FRY: variants seen among roughly 807,000 people sequenced by gnomAD.
FRY encodes the protein FRY microtubule binding protein.
A neutral mutation model predicts 348.4 loss-of-function variants in FRY; 128 were observed. That is an observed-to-expected ratio of 0.37 (90% confidence interval 0.32 to 0.43). The LOEUF (loss-of-function observed/expected upper bound fraction) is 0.43. Among genes scored for constraint, FRY ranks in the 20% least tolerant of loss-of-function variants. FRY has a pLI of 1.00. For synonymous variants in FRY, 1,370 were observed against 1,374.7 expected (o/e 1.00, Z 0.08); for missense variants, 2,736 against 3,695.2 (o/e 0.74, Z 6.73).
At chr13:32,271,183 A>G (rs545375009) in intron 55 of FRY, among the ~76,000 whole-genome samples, 14 of 152,334 alleles carry the variant, frequency 9.2e-5, no homozygotes, top group Non-Finnish European at 1.9e-4. Context: ...GGTGATTTCC[A>G]GGTGGAAAAG....
chr13:32,191,900 C>G (rs1482183573), intron 28 of FRY, among the ~76,000 whole-genome samples: 1 of 152,150 alleles, frequency 6.6e-6, no homozygotes, highest in Non-Finnish European at 1.5e-5. Context: ...TGCGGGGATA[C>G]AAACATTCAG....
intron 1 of FRY, among the ~76,000 whole-genome samples, chr13:32,069,409 G>A (rs1212834986): frequency 2.0e-5 from 3 of 152,124 alleles, no homozygotes; most frequent in African/African-American, 2.4e-5. Context: ...CAACGTTTAT[G>A]TTGTATTTTG....
intron 17 of FRY, among the ~76,000 whole-genome samples, chr13:32,164,161 C>T (rs1468502087): frequency 1.3e-5 from 2 of 152,106 alleles, no homozygotes; most frequent in East Asian, 3.9e-4. Flanking sequence ...AATTCAATAG[C>T]AATAAATGTG....
chr13:32,072,861 T>A (rs967241332), intron 1 of FRY, among the ~76,000 whole-genome samples: 1 of 152,164 alleles, frequency 6.6e-6, no homozygotes, highest in African/African-American at 2.4e-5. Flanking sequence ...AAAGAATAAT[T>A]TATGTACAAC....
chr13:32,223,698 A>T (rs1198677080), intron 36 of FRY, among the ~76,000 whole-genome samples: 1 of 152,056 alleles, frequency 6.6e-6, no homozygotes, highest in Non-Finnish European at 1.5e-5. Flanking sequence ...AGACAGGAGG[A>T]TCTCTTGAGC....
intron 25 of FRY, 128 bp from the exon 26 acceptor site, chr13:32,184,848 T>C: frequency 1.0e-6 from 1 of 1,001,936 alleles, no homozygotes. Flanking sequence ...ATATTTTCTT[T>C]ACACTGCATA....
In FRY at chr13:32,114,785, T is replaced by A. The variant is rs1436523818; in HGVS notation, c.325-2549T>A. ...TGTTGGTGACTTCGGAAAGTAAATA[T>A]CCTTTCTCATGTTGGGATAACTTTA... On this transcript the variant is annotated intron_variant, in intron 3 of 60. Coordinates refer to ENST00000542859, the MANE Select transcript of FRY (RefSeq NM_023037.3). 4.6e-5 allele frequency among the ~76,000 whole-genome samples: 7 copies of A among 152,320 alleles called. No homozygotes were observed. In the East Asian group the frequency reaches 1.3e-3, roughly 29 times the overall value.
intron 1 of FRY, among the ~76,000 whole-genome samples, chr13:32,069,802 T>G (rs1874507559): frequency 6.6e-6 from 1 of 152,148 alleles, no homozygotes. Flanking sequence ...CCATGTTGGT[T>G]TGCTGCACCC....
intron 59 of FRY, among the ~76,000 whole-genome samples, chr13:32,293,445 C>T (rs754758292): frequency 6.6e-6 from 1 of 151,946 alleles, no homozygotes; most frequent in Non-Finnish European, 1.5e-5. Flanking sequence ...TTGTTTGTAC[C>T]GTGAGTGAGT....
intron 11 of FRY, among the ~76,000 whole-genome samples, chr13:32,138,981 A>G (rs1438138001): frequency 6.6e-6 from 1 of 152,230 alleles, no homozygotes; most frequent in African/African-American, 2.4e-5. Flanking sequence ...AAAGTAAGGC[A>G]GAAAGGCAAT....
At chr13:32,049,561 A>C (rs1459450206) in intron 1 of FRY, among the ~76,000 whole-genome samples, 1 of 152,164 alleles carries the variant, frequency 6.6e-6, no homozygotes, top group African/African-American at 2.4e-5. Flanking sequence ...CAGCCTCCCA[A>C]GTAGCTGGGA....
At chr13:32,100,990 A>G (rs975025656) in intron 2 of FRY, among the ~76,000 whole-genome samples, 1 of 152,066 alleles carries the variant, frequency 6.6e-6, no homozygotes, top group South Asian at 2.1e-4. Context: ...TTTTTGGGGG[A>G]TACATTGAGG....
At chr13:32,214,975 A>T (rs1884902341) in intron 35 of FRY, among the ~76,000 whole-genome samples, 1 of 152,242 alleles carries the variant, frequency 6.6e-6, no homozygotes, top group Non-Finnish European at 1.5e-5. Flanking sequence ...GTGACTCAGT[A>T]ATATTTAATA....
intron 36 of FRY, among the ~76,000 whole-genome samples, chr13:32,221,111 C>T (rs1191401339): frequency 6.6e-6 from 1 of 152,124 alleles, no homozygotes; most frequent in Admixed American, 6.5e-5. Flanking sequence ...CCCTCTTAGC[C>T]ACATCCCATG....
At chr13:32,086,018 T>A (rs187434666) in intron 2 of FRY, 1 of 518,482 alleles carries the variant, frequency 1.9e-6, no homozygotes, top group East Asian at 5.5e-5. Flanking sequence ...AGGTGTGAAT[T>A]GTGAAGACCT....
At chr13:32,178,497 C>A in intron 21 of FRY, 61 bp downstream of exon 21, 2 of 1,563,366 alleles carry the variant, frequency 1.3e-6, no homozygotes, top group South Asian at 1.1e-5. Context: ...CTTAAATTTT[C>A]ATTTTGTGTA....
Position 32,225,937 on chromosome 13 carries a change from C to G in FRY, c.5169C>G (p.Thr1723=). 1 of 1,614,110 alleles carries G rather than the reference C, an allele frequency of 6.2e-7. No individual in the cohort carries two copies. The highest frequency in any genetic ancestry group is 1.1e-5 in the South Asian group (1 of 91,078). ...AGATGGGTGAAGCTAAGACTCTAAC[C>G]GTGCAGCCAGCCTACCAACCTGAAT... is the stretch of plus-strand genomic sequence containing the variant. The part of the protein sequence containing the change: ...TREMGEAKTL[T]VQPAYQPEYL... Residue 1723 remains threonine, a synonymous_variant, in exon 39 of 61, where the codon ACC becomes ACG. Coordinates refer to ENST00000542859, the MANE Select transcript of FRY (RefSeq NM_023037.3).
rs755811736 is a variant in FRY, at chr13:32,261,757, G to A, written c.7558G>A (p.Asp2520Asn). 8.1e-6 allele frequency: 13 copies of A among 1,614,070 alleles called. No homozygotes were observed. Among genetic ancestry groups the A allele is most frequent in the Non-Finnish European group, 1.0e-5 (12 of 1,180,040 alleles). Reference sequence around the variant, plus strand: ...GAATAAAATGCACCATGAGGACTCCGATGAATCATCCGAGGAGGAGGACCT... The same window carrying A: ...GAATAAAATGCACCATGAGGACTCCAATGAATCATCCGAGGAGGAGGACCT... The part of the protein sequence containing the change: ...SLNKMHHEDS[D>N]ESSEEEDLTA... The change falls in exon 52 of 61, where the codon GAT becomes AAT. Residue 2520 changes from aspartate (D) to asparagine (N), a missense_variant. By Grantham distance (23) the Asp-to-Asn change is conservative (BLOSUM62 1). Around this residue, in one of 9 missense-constraint regions of FRY, gnomAD observed 789 missense variants for 996.2 expected, o/e 0.79. Coordinates refer to ENST00000542859, the MANE Select transcript of FRY (RefSeq NM_023037.3).
At chr13:32,077,228 A>G (rs1250824118) in intron 1 of FRY, among the ~76,000 whole-genome samples, 1 of 152,208 alleles carries the variant, frequency 6.6e-6, no homozygotes, top group African/African-American at 2.4e-5. Flanking sequence ...CTGAGGCTGG[A>G]TGATGGTAAT....
Sources: gnomAD v4.1 joint callset for allele counts (sites outside exome capture counted in the v4.1 genomes callset) on GRCh38, gnomAD v4.1.1 for gene constraint, gnomAD v4.1.1 regional missense constraint, MANE v1.5 for transcripts, NCBI Gene and HGNC (gene_info 2026-07-23, HGNC 2026-07-21) for gene names.